Variants in ZNF385D observed in about 807,000 individuals in gnomAD.
ZNF385D encodes zinc finger protein 659.
A neutral mutation model predicts 35.8 loss-of-function variants in ZNF385D; 15 were observed. The observed-to-expected ratio is 0.42, with a 90% CI of 0.28 to 0.64. ZNF385D has a LOEUF of 0.64. Among genes scored for constraint, ZNF385D ranks in the 30% least tolerant of loss-of-function variants. ZNF385D has a pLI of 0.23. For missense variants in ZNF385D, 474 were observed against 494.6 expected, an observed-to-expected ratio of 0.96 and a Z score of 0.39; for synonymous variants, 212 against 186.8, an observed-to-expected ratio of 1.13 and a Z score of -1.10.
chr3:22,045,247 T>G (rs1308495812), intron 3 of ZNF385D, among the ~76,000 whole-genome samples: 3 of 152,138 alleles, frequency 2.0e-5, no homozygotes, highest in East Asian at 3.8e-4. Context: ...AAGTCTTTGA[T>G]CCATTTGAGT....
intron 2 of ZNF385D, among the ~76,000 whole-genome samples, chr3:22,234,263 T>G (rs757924919): frequency 2.0e-5 from 3 of 152,114 alleles, no homozygotes; most frequent in Non-Finnish European, 4.4e-5. Flanking sequence ...CTCAATGTAT[T>G]TTATTAGCTG....
At chr3:21,442,532 A>G (rs1701913430) in intron 4 of ZNF385D, among the ~76,000 whole-genome samples, 1 of 152,190 alleles carries the variant, frequency 6.6e-6, no homozygotes, top group African/African-American at 2.4e-5. Flanking sequence ...GTCTTTAGAA[A>G]TTATTCCTGG....
intron 1 of ZNF385D, among the ~76,000 whole-genome samples, chr3:21,720,142 T>G (rs952111440): frequency 6.6e-6 from 1 of 152,200 alleles, no homozygotes. Flanking sequence ...GGCATTGGAA[T>G]TTCAAAAACT....
intron 3 of ZNF385D, among the ~76,000 whole-genome samples, chr3:21,943,388 C>T (rs1304262684): frequency 1.3e-5 from 2 of 151,418 alleles, no homozygotes; most frequent in South Asian, 2.1e-4. Context: ...CCTGTCTTAT[C>T]TCTTTTTCTA....
intron 2 of ZNF385D, among the ~76,000 whole-genome samples, chr3:21,621,084 T>C (rs2064992834): frequency 6.6e-6 from 1 of 152,042 alleles, no homozygotes; most frequent in Admixed American, 6.6e-5. Context: ...ATTGTAAAAA[T>C]CTGTGCTACT....
intron 3 of ZNF385D, among the ~76,000 whole-genome samples, chr3:22,037,288 C>G (rs1281151972): frequency 7.3e-6 from 1 of 137,278 alleles, no homozygotes; most frequent in Non-Finnish European, 1.6e-5. Context: ...AATCACCACA[C>G]TGTCTTCCAC....
At chr3:22,085,455 C>A (rs1365028268) in intron 3 of ZNF385D, among the ~76,000 whole-genome samples, 1 of 152,120 alleles carries the variant, frequency 6.6e-6, no homozygotes, top group Non-Finnish European at 1.5e-5. Context: ...CACCTCCATG[C>A]AAATAAACTA....
chr3:22,150,207 C>A (rs1259922845), intron 3 of ZNF385D, among the ~76,000 whole-genome samples: 1 of 152,074 alleles, frequency 6.6e-6, no homozygotes, highest in Non-Finnish European at 1.5e-5. Flanking sequence ...TAGGAAGATC[C>A]TCCTTTCTTA....
At position 21,732,027 on chromosome 3, in the gene ZNF385D, GGGGTTTTTTTTTTTTTTTTTTTTTTTT is replaced by G. The variant is rs2069026855; in HGVS notation, c.22+18841_22+18867del. On this transcript the variant is annotated intron_variant, in intron 1 of 7. Coordinates refer to ENST00000281523, the MANE Select transcript of ZNF385D (RefSeq NM_024697.3). ...CTATTCAGGGTTTTTTTCTTTTTTC[GGGGTTTTTTTTTTTTTTTTTTTTTTTT>G]TTTTTTTTTTTTTTTGAGAACGGAG... Among the ~76,000 whole-genome samples the G allele has an allele frequency of 6.2e-5, 4 of 64,270 alleles. 1 individual carries two copies. Among genetic ancestry groups the G allele is most frequent in the African/African-American group, 2.5e-4 (3 of 12,032 alleles). The allele number at this position is 64,270 out of a possible 152,430, so 42.2% of individuals were successfully genotyped here. A position where few individuals can be genotyped will look rare whatever the true frequency, so the allele number is the denominator to read the frequency against.
intron 3 of ZNF385D, among the ~76,000 whole-genome samples, chr3:22,049,022 C>G (rs555791052): frequency 6.6e-6 from 1 of 151,976 alleles, no homozygotes; most frequent in East Asian, 1.9e-4. Context: ...ATTGGCCGGG[C>G]GTAGTGGCTC....
chr3:22,064,831 G>C (rs1346624594), intron 3 of ZNF385D, among the ~76,000 whole-genome samples: 1 of 152,188 alleles, frequency 6.6e-6, no homozygotes, highest in Non-Finnish European at 1.5e-5. Context: ...ATAAAGTTCA[G>C]TTAGAGAGGA....
intron 3 of ZNF385D, among the ~76,000 whole-genome samples, chr3:21,944,212 G>C (rs1009084778): frequency 1.3e-5 from 2 of 152,142 alleles, no homozygotes; most frequent in Non-Finnish European, 2.9e-5. Flanking sequence ...AAGAGAGCAG[G>C]CTGTACAAAT....
At chr3:21,997,777 T>C (rs12495012) in intron 3 of ZNF385D, among the ~76,000 whole-genome samples, 4,659 of 152,210 alleles carry the variant, frequency 0.031, 155 homozygotes, top group East Asian at 0.16. Context: ...AGTAGGAATG[T>C]GTTAATACAG....
chr3:21,795,774 A>C (rs2072122257), intron 3 of ZNF385D, among the ~76,000 whole-genome samples: 4 of 152,230 alleles, frequency 2.6e-5, no homozygotes, highest in Admixed American at 2.6e-4. Flanking sequence ...TTCTCCCACT[A>C]ATGCCACTTC....
At chr3:21,804,881 C>T (rs915882795) in intron 3 of ZNF385D, among the ~76,000 whole-genome samples, 19 of 151,678 alleles carry the variant, frequency 1.3e-4, no homozygotes, top group African/African-American at 4.4e-4. Flanking sequence ...TAAGAAAGAA[C>T]GTTGCTTGGA....
At chr3:22,228,049 A>G (rs116832033) in intron 2 of ZNF385D, among the ~76,000 whole-genome samples, 261 of 152,252 alleles carry the variant, frequency 1.7e-3, no homozygotes, top group South Asian at 5.6e-3. Flanking sequence ...CATCATCCCA[A>G]CTATGAAGGG....
chr3:22,068,276 T>C (rs1252290613), intron 3 of ZNF385D, among the ~76,000 whole-genome samples: 1 of 152,130 alleles, frequency 6.6e-6, no homozygotes, highest in African/African-American at 2.4e-5. Context: ...CACCTAGTAA[T>C]ACTGTGTCTC....
intron 3 of ZNF385D, among the ~76,000 whole-genome samples, chr3:22,033,107 G>C (rs370916836): frequency 2.0e-5 from 3 of 152,152 alleles, no homozygotes; most frequent in Non-Finnish European, 2.9e-5. Context: ...AAAGAGTATA[G>C]AATGAACAGT....
intron 3 of ZNF385D, among the ~76,000 whole-genome samples, chr3:22,126,452 T>C (rs957523139): frequency 1.3e-5 from 2 of 151,986 alleles, no homozygotes; most frequent in Admixed American, 1.3e-4. Flanking sequence ...TTTCTGGTCA[T>C]TCAGGAGCAT....
Sources: gnomAD v4.1 joint callset for allele counts (sites outside exome capture counted in the v4.1 genomes callset) on GRCh38, gnomAD v4.1.1 for gene constraint, MANE v1.5 for transcripts, NCBI Gene and HGNC (gene_info 2026-07-23, HGNC 2026-07-21) for gene names.